Variants in CLSTN2 observed in about 807,000 individuals in gnomAD.
CLSTN2 encodes the protein calsyntenin 2.
In CLSTN2, 48 loss-of-function variants were observed where a neutral mutation model predicts 101.2. The observed-to-expected ratio is 0.47, with a 90% confidence interval of 0.38 to 0.60. The LOEUF is 0.60. Among genes scored for constraint, CLSTN2 ranks in the 20% least tolerant of loss-of-function variants. CLSTN2 has a pLI of 0.00. For missense variants in CLSTN2, 1,160 were observed against 1,238.2 expected, an observed-to-expected ratio of 0.94 and a Z score of 0.95; for synonymous variants, 481 against 463.6, an observed-to-expected ratio of 1.04 and a Z score of -0.48.
intron 1 of CLSTN2, among the ~76,000 whole-genome samples, chr3:140,168,466 T>A (rs1175860703): frequency 3.9e-5 from 6 of 152,104 alleles, no homozygotes; most frequent in Admixed American, 2.0e-4. Context: ...GGCTTACAAT[T>A]TTTTTAGAGT....
chr3:140,373,580 T>C (rs2087882957), intron 2 of CLSTN2, among the ~76,000 whole-genome samples: 1 of 152,144 alleles, frequency 6.6e-6, no homozygotes, highest in African/African-American at 2.4e-5. Context: ...GGGCTGCCCA[T>C]CCAGAGTGCA....
intron 2 of CLSTN2, among the ~76,000 whole-genome samples, chr3:140,303,744 A>C (rs1197484005): frequency 6.6e-6 from 1 of 151,998 alleles, no homozygotes; most frequent in Non-Finnish European, 1.5e-5. Flanking sequence ...CCAGTAACAC[A>C]GGGGCTCTAG....
At chr3:140,484,609 T>C (rs867321907) in intron 8 of CLSTN2, among the ~76,000 whole-genome samples, 3 of 152,206 alleles carry the variant, frequency 2.0e-5, no homozygotes, top group East Asian at 1.9e-4. Context: ...ACCAATCAGA[T>C]GTAGATTTGG....
At chr3:140,257,409 G>T (rs1275992182) in intron 2 of CLSTN2, among the ~76,000 whole-genome samples, 1 of 152,108 alleles carries the variant, frequency 6.6e-6, no homozygotes, top group Non-Finnish European at 1.5e-5. Context: ...AGAAAAATTG[G>T]CTATGGATCA....
chr3:140,230,771 C>T (rs962665485), intron 2 of CLSTN2, among the ~76,000 whole-genome samples: 1 of 152,184 alleles, frequency 6.6e-6, no homozygotes, highest in Non-Finnish European at 1.5e-5. Flanking sequence ...AACCAACTGG[C>T]ACAGCAATTT....
rs142885304 is a variant in CLSTN2 at position 140,372,509 on chromosome 3, A to T, written c.233-31120A>T. Among the ~76,000 whole-genome samples the T allele has an allele frequency of 7.2e-5, 11 of 152,234 alleles. No individual in the cohort carries two copies. The East Asian group carries it at 2.1e-3, about 29-fold the overall frequency. On this transcript the variant is annotated intron_variant, in intron 2 of 16. Transcript: ENST00000458420. ...AAGCACTTTATTTGCTGACAGTAACATTAGGCGATGTGGTGTTGCCAGCTG... is the reference window on the plus strand; with the variant it reads ...AAGCACTTTATTTGCTGACAGTAACTTTAGGCGATGTGGTGTTGCCAGCTG...
intron 2 of CLSTN2, 53 bp from the exon 3 acceptor site, chr3:140,403,576 T>C: frequency 6.9e-7 from 1 of 1,454,286 alleles, no homozygotes; most frequent in Non-Finnish European, 9.5e-7. Context: ...AAGCACTGTC[T>C]TCAGTCTGGC....
intron 8 of CLSTN2, among the ~76,000 whole-genome samples, chr3:140,482,803 T>A (rs919932277): frequency 6.6e-6 from 1 of 152,202 alleles, no homozygotes; most frequent in Non-Finnish European, 1.5e-5. Context: ...CTTTATCATT[T>A]TTCATTGCGT....
intron 1 of CLSTN2, among the ~76,000 whole-genome samples, chr3:140,146,549 A>C (rs1380581851): frequency 6.6e-6 from 1 of 152,234 alleles, no homozygotes; most frequent in East Asian, 1.9e-4. Context: ...GCAGGTAGGT[A>C]ATTCAGAGGA....
intron 6 of CLSTN2, chr3:140,454,286 A>G (rs983088963): frequency 1.3e-5 from 2 of 152,334 alleles, no homozygotes; most frequent in Non-Finnish European, 2.9e-5. Context: ...CAAGCTGGAA[A>G]GCAACTAGGT....
intron 10 of CLSTN2, among the ~76,000 whole-genome samples, chr3:140,552,953 A>C (rs1326398267): frequency 6.6e-6 from 1 of 152,250 alleles, no homozygotes; most frequent in African/African-American, 2.4e-5. Flanking sequence ...CTCAAATCTG[A>C]AACTGATGAC....
intron 1 of CLSTN2, among the ~76,000 whole-genome samples, chr3:140,102,302 T>G (rs1455817421): frequency 1.3e-5 from 2 of 152,216 alleles, no homozygotes; most frequent in Non-Finnish European, 2.9e-5. Context: ...ACCAAGGGAC[T>G]TGCTCTGATC....
chr3:140,496,406 G>T (rs1934466311), intron 8 of CLSTN2, among the ~76,000 whole-genome samples: 1 of 152,188 alleles, frequency 6.6e-6, no homozygotes, highest in South Asian at 2.1e-4. Context: ...CATGTCATCT[G>T]CAAGCAAAGA....
At chr3:140,076,627 T>G (rs1052592443) in intron 1 of CLSTN2, among the ~76,000 whole-genome samples, 14 of 25,980 alleles carry the variant, frequency 5.4e-4, no homozygotes, top group Middle Eastern at 0.031. Flanking sequence ...CCAGCAGTGT[T>G]TTTTTTTTTT....
intron 2 of CLSTN2, among the ~76,000 whole-genome samples, chr3:140,308,570 A>T (rs1041987289): frequency 6.6e-6 from 1 of 152,234 alleles, no homozygotes; most frequent in Non-Finnish European, 1.5e-5. Flanking sequence ...ACTGACTGCA[A>T]TTCTGAAGCA....
At chr3:140,105,117 A>C (rs1203947209) in intron 1 of CLSTN2, among the ~76,000 whole-genome samples, 2 of 152,256 alleles carry the variant, frequency 1.3e-5, no homozygotes, top group African/African-American at 4.8e-5. Context: ...ACAGCAGGTA[A>C]GAATTGTGAG....
intron 2 of CLSTN2, among the ~76,000 whole-genome samples, chr3:140,218,929 G>A (rs1337384810): frequency 6.6e-6 from 1 of 152,086 alleles, no homozygotes; most frequent in Non-Finnish European, 1.5e-5. Context: ...AGAGGGGAAC[G>A]TAACCTGAAT....
At chr3:140,047,900 T>C (rs1223445448) in intron 1 of CLSTN2, among the ~76,000 whole-genome samples, 1 of 152,256 alleles carries the variant, frequency 6.6e-6, no homozygotes, top group Non-Finnish European at 1.5e-5. Flanking sequence ...AGTTTCAACA[T>C]GAGTTTTGAA....
intron 1 of CLSTN2, among the ~76,000 whole-genome samples, chr3:140,012,285 G>A (rs182954003): frequency 1.1e-4 from 16 of 152,280 alleles, no homozygotes; most frequent in Non-Finnish European, 2.1e-4. Context: ...TGAAAGAAAG[G>A]GGAGGGAGCA....
Sources: gnomAD v4.1 joint callset for allele counts (sites outside exome capture counted in the v4.1 genomes callset) on GRCh38, gnomAD v4.1.1 for gene constraint, MANE v1.5 for transcripts, NCBI Gene and HGNC (gene_info 2026-07-23, HGNC 2026-07-21) for gene names.